SLC4A4: variants seen among roughly 807,000 people sequenced by gnomAD.
SLC4A4 encodes the protein electrogenic sodium bicarbonate cotransporter 1.
Under a neutral mutation model 111.5 loss-of-function variants are expected in SLC4A4, and 27 were observed. That is an observed-to-expected ratio of 0.24 (90% confidence interval 0.18 to 0.33). The LOEUF is 0.33. Among genes scored for constraint, SLC4A4 ranks in the 10% least tolerant of loss-of-function variants. The probability of loss-of-function intolerance (pLI) is 1.00; values close to 1 mark genes in which losing one functional copy is unlikely to be tolerated. For synonymous variants in SLC4A4, 443 were observed against 463.4 expected (o/e 0.96, Z 0.57); for missense variants, 909 against 1,315.5 (o/e 0.69, Z 4.78).
intron 1 of SLC4A4, among the ~76,000 whole-genome samples, chr4:71,204,051 G>T (rs1298211861): frequency 1.3e-5 from 2 of 152,118 alleles, no homozygotes; most frequent in Non-Finnish European, 2.9e-5. Flanking sequence ...TTCACCCACA[G>T]GTCACTCAAA....
chr4:71,295,189 A>G (rs1380049477), intron 3 of SLC4A4, among the ~76,000 whole-genome samples: 2 of 152,168 alleles, frequency 1.3e-5, no homozygotes, highest in Non-Finnish European at 2.9e-5. Context: ...ATGGTTGTAG[A>G]TGTGGATTTA....
chr4:71,102,741 G>A (rs1742794282), intron 2 of SLC4A4, among the ~76,000 whole-genome samples: 1 of 150,480 alleles, frequency 6.6e-6, no homozygotes, highest in African/African-American at 2.5e-5. Context: ...GTCACCACCA[G>A]GCCTGCCCTA....
At chr4:71,330,313 G>A (rs1727865241) in intron 3 of SLC4A4, among the ~76,000 whole-genome samples, 1 of 152,108 alleles carries the variant, frequency 6.6e-6, no homozygotes, top group South Asian at 2.1e-4. Context: ...GGTAATATAA[G>A]TCTCATAGAA....
At chr4:71,102,444 A>T (rs1354283541) in intron 2 of SLC4A4, among the ~76,000 whole-genome samples, 2 of 151,814 alleles carry the variant, frequency 1.3e-5, no homozygotes, top group African/African-American at 2.4e-5. Context: ...CTCCTCGAGA[A>T]GAGCAACTCC....
intron 3 of SLC4A4, among the ~76,000 whole-genome samples, chr4:71,273,559 G>A (rs1407786462): frequency 6.6e-6 from 1 of 152,130 alleles, no homozygotes. Context: ...TCATGACATT[G>A]TTCTTGATAC....
At chr4:71,091,764 C>T (rs1742398491) in intron 1 of SLC4A4, among the ~76,000 whole-genome samples, 1 of 152,146 alleles carries the variant, frequency 6.6e-6, no homozygotes, top group South Asian at 2.1e-4. Context: ...TAGGATCTGG[C>T]TCCTAAGACT....
intron 16 of SLC4A4, among the ~76,000 whole-genome samples, chr4:71,531,792 CACACACACACACAGAA>C (rs1290099479): frequency 1.4e-5 from 2 of 145,012 alleles, no homozygotes; most frequent in Non-Finnish European, 3.0e-5. Flanking sequence ...CACACACACA[CACACACACACACAGAA>C]AGAGAGAGAG....
At chr4:71,340,091 G>A (rs147594672) in intron 4 of SLC4A4, among the ~76,000 whole-genome samples, 1 of 152,150 alleles carries the variant, frequency 6.6e-6, no homozygotes, top group African/African-American at 2.4e-5. Flanking sequence ...GGGCATGGTG[G>A]TGCATGCCTG....
At chr4:71,272,230 A>G (rs1722751916) in intron 3 of SLC4A4, among the ~76,000 whole-genome samples, 1 of 152,204 alleles carries the variant, frequency 6.6e-6, no homozygotes, top group African/African-American at 2.4e-5. Flanking sequence ...GTTGTAGAAA[A>G]GCTCATGTAG....
In SLC4A4 at chr4:71,434,632, C is replaced by T. The variant is rs866686592; in HGVS notation, c.808-5984C>T. On this transcript the variant is annotated intron_variant, in intron 7 of 25. Coordinates refer to ENST00000264485, the MANE Select transcript of SLC4A4 (RefSeq NM_001098484.3). ...TTATTCAAAGAGGAAGTCAAATTGT[C>T]TCTGTTTGCAGATGACACAATTGTA... 2 of 152,134 alleles carry T rather than the reference C, an allele frequency of 1.3e-5. 1 individual carries two copies. The highest frequency in any genetic ancestry group is 2.9e-5 in the Non-Finnish European group (2 of 67,994). The allele number at this position is 152,134 out of a possible 1,614,324, so 9.4% of individuals were successfully genotyped here. A position where few individuals can be genotyped will look rare whatever the true frequency, so the allele number is the denominator to read the frequency against.
At chr4:71,215,903 ATTTTTTTT>A (rs990635246) in intron 1 of SLC4A4, among the ~76,000 whole-genome samples, 1 of 127,858 alleles carries the variant, frequency 7.8e-6, no homozygotes, top group Admixed American at 7.9e-5. Context: ...TGTCATTTCT[ATTTTTTTT>A]TTTTTTTTTT....
chr4:71,250,728 G>A (rs1229843514), intron 2 of SLC4A4, among the ~76,000 whole-genome samples: 3 of 152,112 alleles, frequency 2.0e-5, no homozygotes, highest in Non-Finnish European at 4.4e-5. Flanking sequence ...TGAGGAAGGT[G>A]ACATAATAAG....
At chr4:71,409,338 A>G (rs1197866435) in intron 7 of SLC4A4, among the ~76,000 whole-genome samples, 1 of 152,216 alleles carries the variant, frequency 6.6e-6, no homozygotes, top group Non-Finnish European at 1.5e-5. Flanking sequence ...GGCATTGACA[A>G]AAATGCTGAT....
In SLC4A4 at chr4:71,204,186, G is replaced by A. The variant is rs368147500; in HGVS notation, c.-2+16785G>A. Among the ~76,000 whole-genome samples, 5 of 152,260 alleles carry A rather than the reference G, an allele frequency of 3.3e-5. No individual in the cohort carries two copies. In the South Asian group the frequency reaches 6.2e-4, roughly 19 times the overall value. On this transcript the variant is annotated intron_variant, in intron 1 of 25. Transcript: ENST00000264485. ...TCAGTTTCCAACAATAAACCTGGTG[G>A]GTTCACTTTAAGTGTGGTTTCCTGA...
At position 71,513,186 on chromosome 4, in the gene SLC4A4, T is replaced by A. The variant is rs541253866; in HGVS notation, c.2166+15494T>A. 9.9e-5 allele frequency among the ~76,000 whole-genome samples: 15 copies of A among 152,252 alleles called. No individual in the cohort carries two copies. In the East Asian group the frequency reaches 2.9e-3, roughly 29 times the overall value. The stretch of plus-strand genomic sequence containing the variant: ...TTCTAATTCTGTGAAGGTGGCAGTA[T>A]TTTGAAACAGATCGCATTGAATCTG... On this transcript the variant is annotated intron_variant, in intron 16 of 25. Transcript: ENST00000264485.
At chr4:71,122,731 A>T (rs1323661854) in intron 2 of SLC4A4, among the ~76,000 whole-genome samples, 2 of 152,184 alleles carry the variant, frequency 1.3e-5, no homozygotes, top group Non-Finnish European at 2.9e-5. Context: ...CTGGCCGTAG[A>T]GTTTCTCCCA....
chr4:71,325,018 G>T (rs1162508699), intron 3 of SLC4A4, among the ~76,000 whole-genome samples: 2 of 151,840 alleles, frequency 1.3e-5, no homozygotes, highest in Non-Finnish European at 2.9e-5. Flanking sequence ...TTAATACTTG[G>T]ATACCTAAAT....
At chr4:71,563,167 G>A (rs1415150212) in intron 23 of SLC4A4, among the ~76,000 whole-genome samples, 1 of 151,750 alleles carries the variant, frequency 6.6e-6, no homozygotes, top group Non-Finnish European at 1.5e-5. Context: ...GACCATCATA[G>A]ACACCTTTTT....
intron 18 of SLC4A4, among the ~76,000 whole-genome samples, chr4:71,545,810 G>T (rs551880492): frequency 2.0e-5 from 3 of 152,002 alleles, no homozygotes; most frequent in Non-Finnish European, 4.4e-5. Flanking sequence ...TAGATGAACA[G>T]CATACTACTC....
Sources: allele counts gnomAD v4.1 joint callset (sites outside exome capture counted in the v4.1 genomes callset), GRCh38; gene constraint gnomAD v4.1.1; transcripts MANE v1.5; gene names NCBI Gene and HGNC (gene_info 2026-07-23, HGNC 2026-07-21).